The following ELF2 variants were observed in gnomAD, a reference collection of about 807,000 sequenced individuals.
ELF2 encodes the protein ETS-related transcription factor Elf-2.
Under a neutral mutation model 54.8 loss-of-function variants are expected in ELF2, and 11 were observed. The ratio of observed to expected loss-of-function variants is 0.20; its 90% CI spans 0.13 to 0.33. The LOEUF (loss-of-function observed/expected upper bound fraction) is 0.33. ELF2 is among the 10% of genes least tolerant of loss of function. The pLI is 1.00. For missense variants in ELF2, 513 were observed against 703.0 expected, an observed-to-expected ratio of 0.73 and a Z score of 3.06; for synonymous variants, 203 against 245.1, an observed-to-expected ratio of 0.83 and a Z score of 1.61.
intron 4 of ELF2, among the ~76,000 whole-genome samples, chr4:139,077,184 C>T (rs779872912): frequency 5.3e-5 from 8 of 151,882 alleles, no homozygotes; most frequent in Non-Finnish European, 1.2e-4. Context: ...TTTCAGATTT[C>T]GAATTTAAAA....
At chr4:139,150,456 C>T (rs113937821) in intron 1 of ELF2, among the ~76,000 whole-genome samples, 3,951 of 149,022 alleles carry the variant, frequency 0.027, 97 homozygotes, top group African/African-American at 0.063. Context: ...GAGATTGAGG[C>T]TGCAGTAAGC....
intron 3 of ELF2, among the ~76,000 whole-genome samples, chr4:139,127,964 CAAA>C (rs1174310299): frequency 1.0e-4 from 8 of 76,780 alleles, no homozygotes; most frequent in East Asian, 3.7e-4. Context: ...GACTCGGTCT[CAAA>C]AAAAAAAAAA....
chr4:139,068,057 T>C (rs549732585), intron 6 of ELF2, among the ~76,000 whole-genome samples: 13 of 151,952 alleles, frequency 8.6e-5, no homozygotes, highest in Non-Finnish European at 1.8e-4. Flanking sequence ...GACAGAGTCT[T>C]GCTCTGTCGC....
At chr4:139,064,047 G>GCCTGT (rs1423787873) in intron 7 of ELF2, among the ~76,000 whole-genome samples, 1 of 152,152 alleles carries the variant, frequency 6.6e-6, no homozygotes, top group Non-Finnish European at 1.5e-5. Context: ...GGTGGCTCAC[G>GCCTGT]CCTGTAATCC....
chr4:139,106,740 CTTTTTTTTTT>C (rs35312494), intron 4 of ELF2, among the ~76,000 whole-genome samples: 3 of 93,758 alleles, frequency 3.2e-5, no homozygotes, highest in Non-Finnish European at 6.4e-5. Context: ...AACTATATTT[CTTTTTTTTTT>C]TTTTTTTTTT....
At chr4:139,160,043 A>G (rs1740966066) in intron 1 of ELF2, among the ~76,000 whole-genome samples, 1 of 152,234 alleles carries the variant, frequency 6.6e-6, no homozygotes, top group African/African-American at 2.4e-5. Flanking sequence ...AAGATACTAT[A>G]GCATAGCCTG....
chr4:139,087,493 T>C (rs1732102504), intron 4 of ELF2, among the ~76,000 whole-genome samples: 1 of 152,138 alleles, frequency 6.6e-6, no homozygotes, highest in Non-Finnish European at 1.5e-5. Context: ...TGAGACAGAG[T>C]CTCGCTCTGT....
intron 4 of ELF2, among the ~76,000 whole-genome samples, chr4:139,089,047 G>A (rs761307963): frequency 4.6e-5 from 7 of 152,224 alleles, no homozygotes; most frequent in East Asian, 1.9e-4. Flanking sequence ...GTGAGCCGCC[G>A]TGCCTGGCCA....
chr4:139,162,122 G>T (rs1003826995), intron 1 of ELF2, among the ~76,000 whole-genome samples: 2 of 152,102 alleles, frequency 1.3e-5, no homozygotes, highest in Non-Finnish European at 2.9e-5. Flanking sequence ...GCATGGTGGA[G>T]CATGCCTGGA....
chr4:139,122,105 A>G (rs1736417375), intron 4 of ELF2, among the ~76,000 whole-genome samples: 1 of 152,248 alleles, frequency 6.6e-6, no homozygotes, highest in Non-Finnish European at 1.5e-5. Context: ...CAATGAGAAC[A>G]TGCAGAGAAC....
At chr4:139,064,948 C>T (rs965117374) in intron 7 of ELF2, among the ~76,000 whole-genome samples, 14 of 152,160 alleles carry the variant, frequency 9.2e-5, no homozygotes, top group African/African-American at 1.9e-4. Flanking sequence ...ACATTTGTAT[C>T]TCTAGGACCC....
chr4:139,103,310 A>G (rs1734098193), intron 4 of ELF2, among the ~76,000 whole-genome samples: 1 of 152,224 alleles, frequency 6.6e-6, no homozygotes, highest in African/African-American at 2.4e-5. Flanking sequence ...AATGGCTGGC[A>G]GCCCCTAGGT....
At chr4:139,142,821 C>A (rs1162001032) in intron 1 of ELF2, among the ~76,000 whole-genome samples, 2 of 151,490 alleles carry the variant, frequency 1.3e-5, no homozygotes, top group Non-Finnish European at 2.9e-5. Flanking sequence ...GATCCAAGAT[C>A]TCTCTACTGC....
intron 1 of ELF2, among the ~76,000 whole-genome samples, chr4:139,166,481 A>G (rs1741736531): frequency 6.6e-6 from 1 of 152,216 alleles, no homozygotes; most frequent in African/African-American, 2.4e-5. Flanking sequence ...TACATTTCTA[A>G]TAACTTTAAG....
intron 4 of ELF2, among the ~76,000 whole-genome samples, chr4:139,081,341 G>C (rs1731083192): frequency 6.6e-6 from 1 of 152,102 alleles, no homozygotes; most frequent in South Asian, 2.1e-4. Flanking sequence ...AGGAAGAAAA[G>C]CAAAAGTATA....
chr4:139,084,332 C>A, intron 4 of ELF2: 1 of 1,541,888 alleles, frequency 6.5e-7, no homozygotes. Flanking sequence ...CTCCGACGCC[C>A]GGATCCTTGC....
chr4:139,096,601 A>G (rs1190304340), intron 4 of ELF2, among the ~76,000 whole-genome samples: 1 of 148,700 alleles, frequency 6.7e-6, no homozygotes, highest in African/African-American at 2.5e-5. Flanking sequence ...GGCTGAGACT[A>G]CAGGTGTACA....
rs545759201 is a variant in ELF2, at chr4:139,084,030, A to G, written c.239-10463T>C. ...CCGCCCCAGTGACTGTGAGGTGGAC[A>G]CTGTACCCCCAGCACAGACTGCTAC... On this transcript the variant is annotated intron_variant, in intron 4 of 9. Transcript: ENST00000686138. The G allele has an allele frequency of 2.2e-5, 35 of 1,577,228 alleles. No homozygotes were observed. In the African/African-American group the frequency reaches 4.0e-4, roughly 18 times the overall value.
At chr4:139,092,404 T>TA (rs1553959647) in intron 4 of ELF2, among the ~76,000 whole-genome samples, 1 of 89,444 alleles carries the variant, frequency 1.1e-5, no homozygotes, top group Admixed American at 1.4e-4. Context: ...TAACATAACA[T>TA]AACATAACAT....
Sources: gnomAD v4.1 joint callset for allele counts (sites outside exome capture counted in the v4.1 genomes callset) on GRCh38, gnomAD v4.1.1 for gene constraint, MANE v1.5 for transcripts, NCBI Gene and HGNC (gene_info 2026-07-23, HGNC 2026-07-21) for gene names.